Variants in ZCWPW2 observed in about 807,000 individuals in gnomAD.
ZCWPW2 encodes the protein zinc finger CW-type PWWP domain protein 2.
ZCWPW2 carries 45 observed loss-of-function variants against 46.6 expected under a neutral mutation model. The observed-to-expected ratio is 0.96, with a 90% CI of 0.76 to 1.24. ZCWPW2 has a LOEUF of 1.24. ZCWPW2 is among the 50% of genes most tolerant of loss of function. ZCWPW2 has a pLI of 0.00. For synonymous variants in ZCWPW2, 152 were observed against 137.1 expected, an observed-to-expected ratio of 1.11 and a Z score of -0.76; for missense variants, 429 against 403.9, an observed-to-expected ratio of 1.06 and a Z score of -0.53.
At chr3:28,424,431 A>C (rs906203032) in intron 3 of ZCWPW2, among the ~76,000 whole-genome samples, 8 of 152,292 alleles carry the variant, frequency 5.3e-5, no homozygotes, top group Middle Eastern at 3.4e-3. Flanking sequence ...ATTAAGTGAA[A>C]ATGAGATCAA....
Position 28,445,007 on chromosome 3 carries a change from G to A in ZCWPW2, c.492+9738G>A, listed in dbSNP as rs1350218009. ...TAGAAATAGAGTCCTTAGCATTCTG[G>A]GGTCTATCATATTAAGCAGCCAACT... On this transcript the variant is annotated intron_variant, in intron 4 of 9. Transcript: ENST00000383768. 4.6e-5 allele frequency among the ~76,000 whole-genome samples: 7 copies of A among 151,854 alleles called. No individual in the cohort carries two copies. In the East Asian group the frequency reaches 1.4e-3, roughly 29 times the overall value.
At chr3:28,406,621 A>G (rs1696171162) in intron 2 of ZCWPW2, among the ~76,000 whole-genome samples, 1 of 152,082 alleles carries the variant, frequency 6.6e-6, no homozygotes, top group South Asian at 2.1e-4. Context: ...TGATACTCTT[A>G]GTTTTAAACA....
intron 3 of ZCWPW2, among the ~76,000 whole-genome samples, chr3:28,433,763 AAAAAAAC>A (rs375531081): frequency 0.21 from 30,139 of 143,234 alleles, 3,265 homozygotes; most frequent in Admixed American, 0.26. Context: ...CTTAAAAAAA[AAAAAAAC>A]AAAAAACAAA....
In ZCWPW2 at chr3:28,458,219, A is replaced by G. The variant is rs188638607; in HGVS notation, c.493-20595A>G. On this transcript the variant is annotated intron_variant, in intron 4 of 9. Coordinates refer to ENST00000383768, the MANE Select transcript of ZCWPW2 (RefSeq NM_001040432.4). Reference sequence around the variant, plus strand: ...CTTACTCTCTATGTAAACTTATGCAAGTTCTAAACTCAGTGCCTCTACTTT... The same window carrying G: ...CTTACTCTCTATGTAAACTTATGCAGGTTCTAAACTCAGTGCCTCTACTTT... 1.1e-3 allele frequency among the ~76,000 whole-genome samples: 160 copies of G among 152,294 alleles called. 2 individuals carry two copies. The highest frequency in any genetic ancestry group is 2.9e-4 in the Non-Finnish European group (20 of 68,026).
intron 4 of ZCWPW2, among the ~76,000 whole-genome samples, chr3:28,453,568 G>GA (rs544448222): frequency 1.3e-5 from 2 of 151,344 alleles, no homozygotes; most frequent in Non-Finnish European, 2.9e-5. Context: ...TTCTGTTAAA[G>GA]AAAAAAAACA....
At position 28,524,910 on chromosome 3, in the gene ZCWPW2, T is replaced by C; in HGVS notation, c.*222T>C. ...AATTTAGAATTAAAAAACCCTGATATTTGTATTTATATATTTCTTGTTTGC... is the reference window on the plus strand; with the variant it reads ...AATTTAGAATTAAAAAACCCTGATACTTGTATTTATATATTTCTTGTTTGC... On this transcript the variant is annotated 3_prime_UTR_variant, in exon 10 of 10. Transcript: ENST00000383768. 3.9e-6 allele frequency: 1 copy of C among 258,590 alleles called. No homozygotes were observed. 16.0% of individuals were successfully genotyped at this position (258,590 alleles called of 1,614,324 possible). A position where few individuals can be genotyped will look rare whatever the true frequency, so the allele number is the denominator to read the frequency against.
At chr3:28,395,620 G>C (rs1695663559) in intron 2 of ZCWPW2, among the ~76,000 whole-genome samples, 1 of 152,096 alleles carries the variant, frequency 6.6e-6, no homozygotes, top group Non-Finnish European at 1.5e-5. Flanking sequence ...GAGTAAGCCT[G>C]GGGTACATTA....
intron 4 of ZCWPW2, among the ~76,000 whole-genome samples, chr3:28,444,278 C>T (rs928304107): frequency 1.3e-5 from 2 of 152,112 alleles, no homozygotes; most frequent in South Asian, 2.1e-4. Flanking sequence ...AGGGATCTAC[C>T]AGGACTTTAG....
chr3:28,389,483 G>C (rs994907508), intron 1 of ZCWPW2, among the ~76,000 whole-genome samples: 13 of 151,566 alleles, frequency 8.6e-5, no homozygotes, highest in African/African-American at 4.9e-5. Context: ...GCATCCATTG[G>C]TGATATTTTG....
intron 1 of ZCWPW2, among the ~76,000 whole-genome samples, chr3:28,357,907 A>G (rs918910852): frequency 6.6e-6 from 1 of 151,198 alleles, no homozygotes; most frequent in African/African-American, 2.4e-5. Flanking sequence ...ACAAAATTAG[A>G]TATGGTTTCC....
chr3:28,392,991 A>C (rs546959120), intron 2 of ZCWPW2, among the ~76,000 whole-genome samples: 130 of 152,166 alleles, frequency 8.5e-4, no homozygotes, highest in Non-Finnish European at 1.5e-3. Flanking sequence ...AAAAGATCAA[A>C]GGAGAGAAGA....
intron 2 of ZCWPW2, among the ~76,000 whole-genome samples, chr3:28,404,941 G>A (rs1696100361): frequency 6.6e-6 from 1 of 152,128 alleles, no homozygotes; most frequent in African/African-American, 2.4e-5. Context: ...ATACTGCTTG[G>A]ATGGTGGGTA....
intron 1 of ZCWPW2, among the ~76,000 whole-genome samples, chr3:28,389,815 A>G (rs1695416715): frequency 6.6e-6 from 1 of 152,140 alleles, no homozygotes; most frequent in African/African-American, 2.4e-5. Context: ...CTCAGGGAAG[A>G]GTTGCAGTTT....
chr3:28,512,883 TTAAA>T (rs1472995796), intron 6 of ZCWPW2, among the ~76,000 whole-genome samples: 1 of 152,198 alleles, frequency 6.6e-6, no homozygotes, highest in Non-Finnish European at 1.5e-5. Flanking sequence ...CTTTAATAAC[TTAAA>T]TACTTATTTT....
At chr3:28,376,045 G>A (rs1489309733) in intron 1 of ZCWPW2, among the ~76,000 whole-genome samples, 1 of 151,846 alleles carries the variant, frequency 6.6e-6, no homozygotes, top group Non-Finnish European at 1.5e-5. Flanking sequence ...TTCATCTATT[G>A]GTGGACAGTT....
At chr3:28,422,056 A>G (rs981933509) in intron 3 of ZCWPW2, among the ~76,000 whole-genome samples, 3 of 151,988 alleles carry the variant, frequency 2.0e-5, no homozygotes, top group African/African-American at 7.3e-5. Context: ...TATCTTTTAG[A>G]GTGGTTTCAG....
intron 9 of ZCWPW2, among the ~76,000 whole-genome samples, chr3:28,522,618 G>A (rs1255311005): frequency 6.6e-6 from 1 of 152,092 alleles, no homozygotes; most frequent in African/African-American, 2.4e-5. Context: ...GTACTACTAT[G>A]GAGATTATTA....
intron 1 of ZCWPW2, among the ~76,000 whole-genome samples, chr3:28,364,155 A>G (rs2125695649): frequency 6.6e-6 from 1 of 152,326 alleles, no homozygotes; most frequent in Admixed American, 6.5e-5. Flanking sequence ...GTGGAATGAC[A>G]GAAACTTTTA....
intron 1 of ZCWPW2, among the ~76,000 whole-genome samples, chr3:28,370,680 C>T (rs1705300806): frequency 6.6e-6 from 1 of 152,106 alleles, no homozygotes; most frequent in African/African-American, 2.4e-5. Context: ...ATTCATTGAG[C>T]CATGCAGTTA....
Sources: gnomAD v4.1 joint callset for allele counts (sites outside exome capture counted in the v4.1 genomes callset) on GRCh38, gnomAD v4.1.1 for gene constraint, MANE v1.5 for transcripts, NCBI Gene and HGNC (gene_info 2026-07-23, HGNC 2026-07-21) for gene names.